MCTP1: variants seen among roughly 807,000 people sequenced by gnomAD.
MCTP1 encodes the protein multiple C2 and transmembrane domain-containing protein 1.
In MCTP1, 69 loss-of-function variants were observed where a neutral mutation model predicts 120.6. That is an observed-to-expected ratio of 0.57 (90% CI 0.47 to 0.70). The LOEUF (loss-of-function observed/expected upper bound fraction) is 0.70. Among genes scored for constraint, MCTP1 ranks in the 30% least tolerant of loss-of-function variants. MCTP1 has a pLI of 0.00. For synonymous variants in MCTP1, 529 were observed against 493.1 expected (o/e 1.07, Z -0.96); for missense variants, 1,203 against 1,248.8 (o/e 0.96, Z 0.55).
chr5:94,818,457 G>A lies in MCTP1; in HGVS notation c.2437-19325C>T, dbSNP rs543259298. On this transcript the variant is annotated intron_variant, in intron 17 of 22. Transcript: ENST00000515393. ...GTTTCAGGTGATCAGCTAATTTAAA[G>A]ACCCATTATGAGTTATTGACTAAAA... 3.3e-3 allele frequency among the ~76,000 whole-genome samples: 496 copies of A among 152,256 alleles called. 2 individuals carry two copies. The highest frequency in any genetic ancestry group is 5.3e-3 in the Admixed American group (81 of 15,284).
chr5:95,251,311 C>G (rs73776339), intron 1 of MCTP1, among the ~76,000 whole-genome samples: 110 of 152,086 alleles, frequency 7.2e-4, no homozygotes, highest in African/African-American at 2.1e-3. Flanking sequence ...TTAGAGGAAC[C>G]TAAAGAATGT....
At chr5:94,745,794 A>G (rs1289128171) in intron 19 of MCTP1, among the ~76,000 whole-genome samples, 1 of 152,230 alleles carries the variant, frequency 6.6e-6, no homozygotes, top group Non-Finnish European at 1.5e-5. Flanking sequence ...TTCTAGTAGT[A>G]GATTAGGTAG....
chr5:95,154,112 G>A (rs943885548), intron 1 of MCTP1: 1 of 152,234 alleles, frequency 6.6e-6, no homozygotes, highest in Non-Finnish European at 1.5e-5. Flanking sequence ...CCTTTGAGTT[G>A]GTGGTGGTTG....
intron 10 of MCTP1, among the ~76,000 whole-genome samples, chr5:94,901,687 T>A (rs964072983): frequency 1.3e-5 from 2 of 152,038 alleles, no homozygotes; most frequent in African/African-American, 4.8e-5. Context: ...TATGGGGTGA[T>A]GTTATCCTCT....
chr5:95,032,458 C>T (rs551897340), intron 1 of MCTP1, among the ~76,000 whole-genome samples: 9 of 151,998 alleles, frequency 5.9e-5, no homozygotes, highest in South Asian at 2.1e-4. Context: ...TACAAGTACA[C>T]GGAAACTAAA....
chr5:95,072,565 T>G (rs770022186), intron 1 of MCTP1, among the ~76,000 whole-genome samples: 1 of 152,154 alleles, frequency 6.6e-6, no homozygotes, highest in Non-Finnish European at 1.5e-5. Flanking sequence ...AATATTATAC[T>G]CTGCATCTAG....
At chr5:94,735,938 TAC>T (rs1764126931) in intron 19 of MCTP1, among the ~76,000 whole-genome samples, 1 of 152,200 alleles carries the variant, frequency 6.6e-6, no homozygotes, top group Admixed American at 6.5e-5. Context: ...TTGGGTAAAG[TAC>T]ACAGGCTATA....
chr5:95,014,603 C>T (rs1435839855), intron 2 of MCTP1, among the ~76,000 whole-genome samples: 1 of 152,044 alleles, frequency 6.6e-6, no homozygotes, highest in African/African-American at 2.4e-5. Context: ...TTGATATTTA[C>T]CAGTTTTTAC....
chr5:95,201,663 C>T (rs533606507), intron 1 of MCTP1, among the ~76,000 whole-genome samples: 4 of 151,756 alleles, frequency 2.6e-5, no homozygotes, highest in African/African-American at 7.2e-5. Context: ...CGCCATCATG[C>T]CTGGCTAGTT....
rs11421165 is a variant in MCTP1, at chr5:95,072,740, A to ATTTTTT, written c.721-55262_721-55257dup. Among the ~76,000 whole-genome samples, 83 of 95,242 alleles carry ATTTTTT rather than the reference A, an allele frequency of 8.7e-4. 2 individuals are homozygous for ATTTTTT. Among genetic ancestry groups the ATTTTTT allele is most frequent in the Non-Finnish European group, 1.0e-3 (55 of 52,976 alleles). 62.5% of individuals were successfully genotyped at this position (95,242 alleles called of 152,430 possible). A position where few individuals can be genotyped will look rare whatever the true frequency, so the allele number is the denominator to read the frequency against. On this transcript the variant is annotated intron_variant, in intron 1 of 22. Transcript: ENST00000515393. ...CAAATTTGGACTCTGCTTAGCAACT[A>ATTTTTT]TTTTTTTTTTTTTTTTTTTTTTTGA...
chr5:94,920,963 A>G (rs1405303976), intron 7 of MCTP1, among the ~76,000 whole-genome samples: 1 of 152,004 alleles, frequency 6.6e-6, no homozygotes, highest in Non-Finnish European at 1.5e-5. Flanking sequence ...GTATCTTGGC[A>G]CGTTCCAGAC....
At chr5:95,166,388 G>A (rs1054716490) in intron 1 of MCTP1, among the ~76,000 whole-genome samples, 22 of 152,208 alleles carry the variant, frequency 1.4e-4, no homozygotes, top group African/African-American at 5.1e-4. Context: ...GCAGGTAAGT[G>A]TATGTTTCAT....
chr5:95,211,708 T>C (rs536668712), intron 1 of MCTP1, among the ~76,000 whole-genome samples: 5 of 152,340 alleles, frequency 3.3e-5, no homozygotes, highest in South Asian at 4.1e-4. Context: ...CTTTGTCCCA[T>C]TGCTGGTGAG....
intron 1 of MCTP1, among the ~76,000 whole-genome samples, chr5:95,168,023 T>C (rs62364755): frequency 1.3e-5 from 2 of 152,162 alleles, no homozygotes; most frequent in African/African-American, 2.4e-5. Context: ...GTTTTTATGG[T>C]TTTAGGTCTA....
intron 1 of MCTP1, among the ~76,000 whole-genome samples, chr5:95,074,413 G>T (rs1051757853): frequency 1.3e-5 from 2 of 152,230 alleles, no homozygotes; most frequent in African/African-American, 4.8e-5. Context: ...TTACTACTTT[G>T]ATGACAAAGG....
chr5:95,021,648 GTATACTGACTT>G (rs1490027132), intron 1 of MCTP1, among the ~76,000 whole-genome samples: 1 of 151,574 alleles, frequency 6.6e-6, no homozygotes, highest in African/African-American at 2.4e-5. Context: ...ATATTATTTT[GTATACTGACTT>G]TATATTCTGT....
intron 17 of MCTP1, among the ~76,000 whole-genome samples, chr5:94,835,229 G>T (rs962079288): frequency 1.3e-5 from 2 of 152,154 alleles, no homozygotes; most frequent in African/African-American, 4.8e-5. Context: ...ATTATTAACT[G>T]ATTCTCTACT....
At chr5:95,105,298 G>A (rs1461275495) in intron 1 of MCTP1, among the ~76,000 whole-genome samples, 1 of 152,162 alleles carries the variant, frequency 6.6e-6, no homozygotes, top group East Asian at 1.9e-4. Context: ...CATGACTCTA[G>A]AGCAAGTTTC....
intron 1 of MCTP1, among the ~76,000 whole-genome samples, chr5:95,238,238 A>G (rs1755772291): frequency 6.6e-6 from 1 of 152,160 alleles, no homozygotes; most frequent in African/African-American, 2.4e-5. Flanking sequence ...CGCTACCTGC[A>G]AGGAGGTTTC....
Sources: gnomAD v4.1 joint callset for allele counts (sites outside exome capture counted in the v4.1 genomes callset) on GRCh38, gnomAD v4.1.1 for gene constraint, MANE v1.5 for transcripts, NCBI Gene and HGNC (gene_info 2026-07-23, HGNC 2026-07-21) for gene names.